The following IQSEC1 variants were observed in gnomAD, a reference collection of about 807,000 sequenced individuals.
The protein encoded by IQSEC1 is IQ motif and Sec7 domain ArfGEF 1.
IQSEC1 carries 31 observed loss-of-function variants against 91.0 expected under a neutral mutation model. The observed-to-expected ratio is 0.34, with a 90% confidence interval of 0.26 to 0.46. The LOEUF is 0.46. Among genes scored for constraint, IQSEC1 ranks in the 20% least tolerant of loss-of-function variants. The pLI is 1.00. For synonymous variants in IQSEC1, 699 were observed against 662.6 expected (o/e 1.05, Z -0.84); for missense variants, 1,388 against 1,575.6 (o/e 0.88, Z 2.02).
At chr3:13,224,269 C>T (rs1266215089) in intron 1 of IQSEC1, among the ~76,000 whole-genome samples, 2 of 152,040 alleles carry the variant, frequency 1.3e-5, no homozygotes, top group African/African-American at 2.4e-5. Flanking sequence ...AGGTCCTGCC[C>T]GAACCCAGGA....
chr3:13,084,876 T>C (rs1176811904), intron 2 of IQSEC1, among the ~76,000 whole-genome samples: 2 of 148,634 alleles, frequency 1.3e-5, no homozygotes, highest in Non-Finnish European at 3.0e-5. Flanking sequence ...CCTGAGAAAG[T>C]GATAAGGGCA....
chr3:13,005,313 G>A (rs531922875), intron 1 of IQSEC1, among the ~76,000 whole-genome samples: 11 of 152,182 alleles, frequency 7.2e-5, no homozygotes, highest in African/African-American at 1.7e-4. Context: ...GCTGGACCTC[G>A]GGTGGAGACC....
At chr3:12,907,379 G>T (rs1003543911) in intron 12 of IQSEC1, among the ~76,000 whole-genome samples, 5 of 152,124 alleles carry the variant, frequency 3.3e-5, no homozygotes, top group African/African-American at 1.2e-4. Flanking sequence ...CCCCAGGAAT[G>T]GGGGGGTCTT....
rs1037640111 is a variant in IQSEC1 at position 13,282,771 on chromosome 3, C to T, written c.212G>A (p.Gly71Asp). Among the ~76,000 whole-genome samples, 13 of 148,658 alleles carry T rather than the reference C, an allele frequency of 8.7e-5. No homozygotes were observed. Among genetic ancestry groups the T allele is most frequent in the Middle Eastern group, 3.4e-3 (1 of 292 alleles). Reference sequence around the variant, plus strand: ...GAGCGGCTGCGGGCCGGGGCCGGGGCCCGGGTCGGGGCGGCGGGCGCACGC... The same window carrying T: ...GAGCGGCTGCGGGCCGGGGCCGGGGTCCGGGTCGGGGCGGCGGGCGCACGC... The change falls in exon 1 of 16, where the codon GGC (glycine) becomes GAC (aspartate). Residue 71 changes from glycine to aspartate, a missense_variant. Coordinates refer to the IQSEC1 transcript ENST00000648114. This position sits in a 1 kb window ranked among gnomAD's most constrained non-coding sequence, Gnocchi z 6.4.
At chr3:12,969,742 C>T (rs1423685727) in intron 1 of IQSEC1, among the ~76,000 whole-genome samples, 6 of 152,216 alleles carry the variant, frequency 3.9e-5, no homozygotes, top group African/African-American at 1.4e-4. Flanking sequence ...GGCCCAGGGC[C>T]CTGCCGCCCA....
At chr3:12,974,372 A>C (rs2125556594) in intron 1 of IQSEC1, among the ~76,000 whole-genome samples, 1 of 152,316 alleles carries the variant, frequency 6.6e-6, no homozygotes, top group East Asian at 1.9e-4. Flanking sequence ...ACGTGAAAGA[A>C]GGTGGTGAGA....
At chr3:13,049,655 C>T (rs1450867123) in intron 1 of IQSEC1, among the ~76,000 whole-genome samples, 1 of 152,218 alleles carries the variant, frequency 6.6e-6, no homozygotes, top group African/African-American at 2.4e-5. Context: ...ACCTTGCACC[C>T]TCCCTCAGCG....
intron 1 of IQSEC1, among the ~76,000 whole-genome samples, chr3:13,068,509 G>A (rs1480640997): frequency 6.6e-6 from 1 of 152,166 alleles, no homozygotes; most frequent in East Asian, 1.9e-4. Flanking sequence ...TCATGGTTGG[G>A]AGGCCCCAAT....
intron 1 of IQSEC1, among the ~76,000 whole-genome samples, chr3:13,260,620 T>TCTAC (rs965665280): frequency 6.6e-6 from 1 of 152,052 alleles, no homozygotes; most frequent in Non-Finnish European, 1.5e-5. Flanking sequence ...GATGCCTGAG[T>TCTAC]CTACCATCAA....
intron 1 of IQSEC1, among the ~76,000 whole-genome samples, chr3:13,265,272 T>G (rs1695468223): frequency 6.6e-6 from 1 of 151,842 alleles, no homozygotes; most frequent in Non-Finnish European, 1.5e-5. Context: ...TCCCCTAGGA[T>G]CAGGGCCCAG....
At chr3:13,040,225 C>A (rs913875259) in intron 1 of IQSEC1, among the ~76,000 whole-genome samples, 1 of 152,206 alleles carries the variant, frequency 6.6e-6, no homozygotes, top group Non-Finnish European at 1.5e-5. Flanking sequence ...CTGGAAAATT[C>A]CAACTCCCAT....
chr3:13,060,223 C>T (rs1705017793), intron 1 of IQSEC1, among the ~76,000 whole-genome samples: 1 of 152,112 alleles, frequency 6.6e-6, no homozygotes, highest in African/African-American at 2.4e-5. Flanking sequence ...ATCTTTGTGG[C>T]CAGTCAGCAC....
chr3:12,993,914 G>A (rs558407859), intron 1 of IQSEC1, among the ~76,000 whole-genome samples: 19 of 151,054 alleles, frequency 1.3e-4, no homozygotes, highest in South Asian at 6.3e-4. Flanking sequence ...GCGCGCCCCA[G>A]GTTCCCGAGA....
chr3:13,136,604 CA>C (rs1386886356), intron 2 of IQSEC1, among the ~76,000 whole-genome samples: 1 of 152,156 alleles, frequency 6.6e-6, no homozygotes, highest in Non-Finnish European at 1.5e-5. Context: ...AAGCAGATTA[CA>C]AAGGCTAATC....
rs537628563 is a variant in IQSEC1, at chr3:12,929,174, T to C, written c.1569-4432A>G. Among the ~76,000 whole-genome samples, 5 of 152,312 alleles carry C rather than the reference T, an allele frequency of 3.3e-5. No individual in the cohort carries two copies. The South Asian group carries it at 1.0e-3, about 32-fold the overall frequency. On this transcript the variant is annotated intron_variant, in intron 3 of 13. Coordinates refer to ENST00000613206, the MANE Select transcript of IQSEC1 (RefSeq NM_001134382.3). ...GGTGAGTGAACTTAGCCTTTCTGTGTGTCTGTATAATGGGGATGACAGCAG... is the reference window on the plus strand; with the variant it reads ...GGTGAGTGAACTTAGCCTTTCTGTGCGTCTGTATAATGGGGATGACAGCAG...
chr3:12,984,446 C>T (rs1416135994), intron 1 of IQSEC1, among the ~76,000 whole-genome samples: 1 of 152,222 alleles, frequency 6.6e-6, no homozygotes, highest in Non-Finnish European at 1.5e-5. Context: ...CCTCTGCCAA[C>T]TGCCCTCATG....
intron 2 of IQSEC1, among the ~76,000 whole-genome samples, chr3:13,090,417 T>C (rs1158720165): frequency 6.6e-6 from 1 of 152,154 alleles, no homozygotes; most frequent in African/African-American, 2.4e-5. Flanking sequence ...AGTGAGTGGA[T>C]GTATGAATGA....
At chr3:12,931,106 A>G (rs902313864) in intron 3 of IQSEC1, among the ~76,000 whole-genome samples, 1 of 152,122 alleles carries the variant, frequency 6.6e-6, no homozygotes, top group African/African-American at 2.4e-5. Flanking sequence ...AGGCAGGAGA[A>G]TCACCCTCTG....
At chr3:13,153,860 G>A (rs1707039298) in intron 2 of IQSEC1, among the ~76,000 whole-genome samples, 1 of 152,154 alleles carries the variant, frequency 6.6e-6, no homozygotes, top group Non-Finnish European at 1.5e-5. Context: ...CTGGGTGGCT[G>A]GTATTCAGGC....
Sources: gnomAD v4.1 joint callset for allele counts (sites outside exome capture counted in the v4.1 genomes callset) on GRCh38, gnomAD v4.1.1 for gene constraint, Gnocchi (gnomAD v3.1) non-coding constraint, MANE v1.5 for transcripts, NCBI Gene and HGNC (gene_info 2026-07-23, HGNC 2026-07-21) for gene names.